CCDC15: variants seen among roughly 807,000 people sequenced by gnomAD.
The protein encoded by CCDC15 is coiled-coil domain-containing protein 15.
In CCDC15, 105 loss-of-function variants were observed where a neutral mutation model predicts 114.5. That is an observed-to-expected ratio of 0.92 (90% CI 0.78 to 1.08). The LOEUF (loss-of-function observed/expected upper bound fraction) is 1.08. Ranked by LOEUF, CCDC15 falls within the 50% of genes least tolerant of loss-of-function variation. The pLI, the probability that CCDC15 is intolerant of heterozygous loss-of-function variation, is 0.00. For missense variants in CCDC15, 1,105 were observed against 1,093.6 expected (o/e 1.01, Z -0.15); for synonymous variants, 334 against 377.8 (o/e 0.88, Z 1.34).
intron 1 of CCDC15, 86 bp from the exon 2 acceptor site, chr11:124,954,638 T>C (rs1488813870): frequency 1.7e-6 from 2 of 1,202,290 alleles, no homozygotes; most frequent in South Asian, 2.9e-5. Flanking sequence ...TCTCTCCTTT[T>C]CACGGGCCTG....
At chr11:125,002,453 A>G (rs1298596830) in intron 11 of CCDC15, among the ~76,000 whole-genome samples, 2 of 152,064 alleles carry the variant, frequency 1.3e-5, no homozygotes, top group African/African-American at 2.4e-5. Context: ...TTTTATTGTC[A>G]TATCTAAGAA....
At chr11:124,995,033 G>T (rs1387584914) in intron 11 of CCDC15, among the ~76,000 whole-genome samples, 1 of 152,256 alleles carries the variant, frequency 6.6e-6, no homozygotes, top group Non-Finnish European at 1.5e-5. Flanking sequence ...GCAACTCTTG[G>T]TGATTTTTAG....
At chr11:124,970,764 G>C (rs1334072862) in intron 4 of CCDC15, among the ~76,000 whole-genome samples, 1 of 152,140 alleles carries the variant, frequency 6.6e-6, no homozygotes, top group African/African-American at 2.4e-5. Flanking sequence ...AATATGAACA[G>C]TGTCCTAGTT....
At chr11:125,031,332 A>C (rs1948737815) in intron 13 of CCDC15, among the ~76,000 whole-genome samples, 1 of 152,230 alleles carries the variant, frequency 6.6e-6, no homozygotes, top group Non-Finnish European at 1.5e-5. Flanking sequence ...CCATTGGTGC[A>C]GGCTGGGGGA....
At position 124,975,069 on chromosome 11, in the gene CCDC15, T is replaced by G. The variant is rs369380882; in HGVS notation, c.517-27T>G. On this transcript the variant is annotated intron_variant, in intron 4 of 15. Coordinates refer to ENST00000344762, the MANE Select transcript of CCDC15 (RefSeq NM_025004.3). Reference sequence around the variant, plus strand: ...GAATTAAAACTTATCCTGCTTTTGTTTGCTTTCTTCCCCCTTTCCCTGGCA... The same window carrying G: ...GAATTAAAACTTATCCTGCTTTTGTGTGCTTTCTTCCCCCTTTCCCTGGCA... 3 of 1,435,168 alleles carry G rather than the reference T, an allele frequency of 2.1e-6. No homozygotes were observed. In the African/African-American group the frequency reaches 4.4e-5, roughly 21 times the overall value. 88.9% of individuals were successfully genotyped at this position (1,435,168 alleles called of 1,614,324 possible).
intron 13 of CCDC15, among the ~76,000 whole-genome samples, chr11:125,024,446 G>T (rs1175647001): frequency 6.6e-6 from 1 of 152,048 alleles, no homozygotes; most frequent in Non-Finnish European, 1.5e-5. Context: ...TGAATCTGCT[G>T]ACCCATTAAC....
chr11:125,038,789 A>G (rs1424253095), intron 14 of CCDC15, 132 bp from the exon 15 acceptor site: 5 of 1,261,494 alleles, frequency 4.0e-6, no homozygotes, highest in Non-Finnish European at 5.5e-6. Flanking sequence ...CGTTTTTCCC[A>G]GTACAAAGAG....
At chr11:125,021,087 G>A (rs1419615566) in intron 13 of CCDC15, among the ~76,000 whole-genome samples, 1 of 151,706 alleles carries the variant, frequency 6.6e-6, no homozygotes, top group Non-Finnish European at 1.5e-5. Flanking sequence ...ACATAAAATC[G>A]CCTGGGGGGA....
chr11:125,002,078 A>G (rs1948490765), intron 11 of CCDC15, among the ~76,000 whole-genome samples: 1 of 152,062 alleles, frequency 6.6e-6, no homozygotes, highest in Non-Finnish European at 1.5e-5. Context: ...TATTATCTGT[A>G]TTTTTAATTA....
At chr11:124,966,127 G>A (rs934623553) in intron 4 of CCDC15, among the ~76,000 whole-genome samples, 1 of 152,150 alleles carries the variant, frequency 6.6e-6, no homozygotes, top group South Asian at 2.1e-4. Flanking sequence ...GTTGATTTGG[G>A]GTGGAGAGTT....
At chr11:125,040,525 A>T in intron 15 of CCDC15, 65 bp from the exon 16 acceptor site, 1 of 1,492,602 alleles carries the variant, frequency 6.7e-7, no homozygotes, top group Admixed American at 2.1e-5. Context: ...TACTAATAAG[A>T]TAGAGGCTGG....
At chr11:125,020,246 A>G (rs1456017336) in intron 13 of CCDC15, among the ~76,000 whole-genome samples, 1 of 151,960 alleles carries the variant, frequency 6.6e-6, no homozygotes, top group African/African-American at 2.4e-5. Flanking sequence ...TTCACTCCTG[A>G]AGTAAATAAG....
At position 125,038,433 on chromosome 11, in the gene CCDC15, T is replaced by C; in HGVS notation, c.2414T>C (p.Ile805Thr). ...CCATGTTATGATTTTATTTTCAGAATTAAGAAAAAGAGAGAGCAAGAATGT... is the reference window on the plus strand; with the variant it reads ...CCATGTTATGATTTTATTTTCAGAACTAAGAAAAAGAGAGAGCAAGAATGT... ...QKEQKKKIEKIKKKREQECYA... is the reference protein window; with the variant it reads ...QKEQKKKIEKTKKKREQECYA... Residue 805 changes from isoleucine (I) to threonine (T), a missense_variant and splice_region_variant, in exon 14 of 16, where the codon ATT becomes ACT. Physicochemically the swap from Ile to Thr is moderately conservative, Grantham distance 89. Coordinates refer to ENST00000344762, the MANE Select transcript of CCDC15 (RefSeq NM_025004.3). 1 of 1,458,594 alleles carries C rather than the reference T, an allele frequency of 6.9e-7. No individual in the cohort carries two copies. The highest frequency in any genetic ancestry group is 1.5e-5 in the South Asian group (1 of 66,992). The allele number at this position is 1,458,594 out of a possible 1,614,324, so 90.4% of individuals were successfully genotyped here. A position where few individuals can be genotyped will look rare whatever the true frequency, so the allele number is the denominator to read the frequency against.
intron 4 of CCDC15, among the ~76,000 whole-genome samples, chr11:124,974,098 C>G (rs1947931157): frequency 6.6e-6 from 1 of 152,154 alleles, no homozygotes; most frequent in Admixed American, 6.5e-5. Flanking sequence ...CCTCAGCCTC[C>G]TGAGTAGCTG....
At chr11:124,980,185 G>A (rs926209217) in intron 6 of CCDC15, among the ~76,000 whole-genome samples, 3 of 152,160 alleles carry the variant, frequency 2.0e-5, no homozygotes, top group South Asian at 4.2e-4. Flanking sequence ...ATTTTGTTGA[G>A]GATTTTTGCA....
chr11:124,965,647 C>G (rs1591572224), intron 4 of CCDC15, among the ~76,000 whole-genome samples: 2 of 152,140 alleles, frequency 1.3e-5, no homozygotes, highest in South Asian at 4.1e-4. Flanking sequence ...TCCTTCAGTT[C>G]TACTCTGATC....
At chr11:125,024,528 T>G (rs1031592708) in intron 13 of CCDC15, among the ~76,000 whole-genome samples, 1 of 152,104 alleles carries the variant, frequency 6.6e-6, no homozygotes, top group African/African-American at 2.4e-5. Flanking sequence ...TCATGTCTTT[T>G]GTCAAATCTA....
In CCDC15 at chr11:124,988,040, A is replaced by C; in HGVS notation, c.1814A>C (p.Asp605Ala). 1 of 1,613,876 alleles carries C rather than the reference A, an allele frequency of 6.2e-7. No homozygotes were observed. The highest frequency in any genetic ancestry group is 1.1e-5 in the South Asian group (1 of 91,086). ...KDQNILPICQ[D>A]RDFLPRDLHV... ...CAAAATATTCTACCCATATGTCAGG[A>C]CCGGGATTTTCTACCCAGAGACCTG... The change falls in exon 8 of 16, where the codon GAC becomes GCC. Residue 605 changes from aspartate (D) to alanine (A), a missense_variant. Asp to Ala is a moderately radical substitution (Grantham distance 126). Transcript: ENST00000344762.
intron 2 of CCDC15, among the ~76,000 whole-genome samples, chr11:124,958,300 A>G (rs1370589114): frequency 6.6e-6 from 1 of 152,070 alleles, no homozygotes; most frequent in African/African-American, 2.4e-5. Flanking sequence ...GTGGCCCAGG[A>G]TGGCTTTGAA....
Sources: allele counts gnomAD v4.1 joint callset (sites outside exome capture counted in the v4.1 genomes callset), GRCh38; gene constraint gnomAD v4.1.1; transcripts MANE v1.5; gene names NCBI Gene and HGNC (gene_info 2026-07-23, HGNC 2026-07-21).